Variants in EPB41L3 observed in about 807,000 individuals in gnomAD.
EPB41L3 encodes band 4.1-like protein 3.
Under a neutral mutation model 127.1 loss-of-function variants are expected in EPB41L3, and 57 were observed. That is an observed-to-expected ratio of 0.45 (90% CI 0.36 to 0.56). The LOEUF is 0.56. EPB41L3 is among the 20% of genes least tolerant of loss of function. The pLI is 0.00. For missense variants in EPB41L3, 1,273 were observed against 1,372.2 expected (o/e 0.93, Z 1.14); for synonymous variants, 572 against 549.5 (o/e 1.04, Z -0.57).
chr18:5,438,223 T>A, intron 5 of EPB41L3, 113 bp from the exon 6 acceptor site: 1 of 868,304 alleles, frequency 1.2e-6, no homozygotes, highest in Non-Finnish European at 1.7e-6. Context: ...TTTTGACCAT[T>A]AATGGAAAAC....
chr18:5,624,994 G>T (rs571146358), intron 1 of EPB41L3, among the ~76,000 whole-genome samples: 1 of 152,246 alleles, frequency 6.6e-6, no homozygotes, highest in East Asian at 1.9e-4. Context: ...TAGGGTGAGC[G>T]AAAGACAGAG....
At chr18:5,599,278 G>A (rs543169994) in intron 3 of EPB41L3, among the ~76,000 whole-genome samples, 7 of 152,294 alleles carry the variant, frequency 4.6e-5, no homozygotes, top group African/African-American at 9.6e-5. Flanking sequence ...TTGTAATGGC[G>A]ATGGGCCAAA....
At chr18:5,459,597 G>T (rs1316049392) in intron 3 of EPB41L3, among the ~76,000 whole-genome samples, 1 of 151,986 alleles carries the variant, frequency 6.6e-6, no homozygotes, top group Non-Finnish European at 1.5e-5. Context: ...AAAATTTCTG[G>T]TTATATAAAG....
intron 3 of EPB41L3, among the ~76,000 whole-genome samples, chr18:5,472,979 G>A (rs1056950855): frequency 4.6e-5 from 7 of 152,120 alleles, no homozygotes; most frequent in African/African-American, 1.2e-4. Flanking sequence ...CAAGATGACC[G>A]TTTCTGTACT....
At chr18:5,410,726 C>T in intron 13 of EPB41L3, 107 bp from the exon 14 acceptor site, 1 of 816,648 alleles carries the variant, frequency 1.2e-6, no homozygotes, top group Non-Finnish European at 2.0e-6. Flanking sequence ...TTTTCTTTCT[C>T]TGTGATTTCT....
chr18:5,435,278 A>G (rs1473657081), intron 6 of EPB41L3, among the ~76,000 whole-genome samples: 1 of 152,224 alleles, frequency 6.6e-6, no homozygotes, highest in Non-Finnish European at 1.5e-5. Flanking sequence ...TGGCCTAAGT[A>G]TACAGTGTTT....
intron 1 of EPB41L3, among the ~76,000 whole-genome samples, chr18:5,528,368 G>A (rs895267366): frequency 1.1e-4 from 16 of 151,788 alleles, no homozygotes; most frequent in Admixed American, 4.6e-4. Flanking sequence ...TAGAGGTGGG[G>A]TCTCACTATT....
At chr18:5,442,119 G>A (rs1397729390) in intron 5 of EPB41L3, among the ~76,000 whole-genome samples, 1 of 152,122 alleles carries the variant, frequency 6.6e-6, no homozygotes, top group Non-Finnish European at 1.5e-5. Flanking sequence ...AGATGAATAA[G>A]AGAACTTTAT....
At chr18:5,583,003 GC>G (rs1038051466) in intron 3 of EPB41L3, among the ~76,000 whole-genome samples, 6 of 152,184 alleles carry the variant, frequency 3.9e-5, no homozygotes, top group African/African-American at 1.4e-4. Context: ...GGATGAATCA[GC>G]CCTCATCACT....
At chr18:5,429,184 TATATAA>T (rs1322835552) in intron 8 of EPB41L3, 2 of 152,194 alleles carry the variant, frequency 1.3e-5, no homozygotes, top group African/African-American at 4.8e-5. Context: ...ATGGCTCACA[TATATAA>T]ATATAAATAC....
In EPB41L3 at chr18:5,449,205, AG is replaced by A. The variant is rs1264156056; in HGVS notation, c.382-3962del. Among the ~76,000 whole-genome samples the A allele has an allele frequency of 2.2e-3, 336 of 152,364 alleles. 3 individuals are homozygous for A. The highest frequency in any genetic ancestry group is 7.6e-3 in the African/African-American group (317 of 41,582). On this transcript the variant is annotated intron_variant, in intron 3 of 22. Coordinates refer to ENST00000341928, the MANE Select transcript of EPB41L3 (RefSeq NM_012307.5). ...AACTTACACCTTACCAAAGATATACAGATAGCAAATAAGCGTATGAAAAGAT... is the reference window on the plus strand; with the variant it reads ...AACTTACACCTTACCAAAGATATACAATAGCAAATAAGCGTATGAAAAGAT...
intron 3 of EPB41L3, among the ~76,000 whole-genome samples, chr18:5,459,035 C>T (rs1191342744): frequency 6.6e-6 from 1 of 152,134 alleles, no homozygotes; most frequent in Non-Finnish European, 1.5e-5. Context: ...CTTCCATGAA[C>T]CACATCCTTG....
At chr18:5,426,968 G>A (rs2078270523) in intron 9 of EPB41L3, among the ~76,000 whole-genome samples, 1 of 152,100 alleles carries the variant, frequency 6.6e-6, no homozygotes, top group African/African-American at 2.4e-5. Flanking sequence ...ATGATGTTAT[G>A]TTCATACTAA....
intron 3 of EPB41L3, among the ~76,000 whole-genome samples, chr18:5,607,043 A>G (rs2143935677): frequency 6.6e-6 from 1 of 152,278 alleles, no homozygotes; most frequent in African/African-American, 2.4e-5. Context: ...ACTGAAAAAT[A>G]ATTTTTAAAC....
At chr18:5,413,666 C>T (rs553697792) in intron 13 of EPB41L3, among the ~76,000 whole-genome samples, 1 of 152,200 alleles carries the variant, frequency 6.6e-6, no homozygotes, top group East Asian at 1.9e-4. Flanking sequence ...TCTAGCTCAG[C>T]CTGAACTAGA....
chr18:5,445,555 G>A lies in EPB41L3; in HGVS notation c.382-311C>T, dbSNP rs112886327. Among the ~76,000 whole-genome samples the A allele has an allele frequency of 6.7e-3, 1,017 of 152,314 alleles. 12 individuals are homozygous for A. Among genetic ancestry groups the A allele is most frequent in the African/African-American group, 0.023 (969 of 41,558 alleles). ...TGGAAGCAACTGGGGAAAATAATGT[G>A]ATGCTTGGAAGCCTAAATATGTGAA... On this transcript the variant is annotated intron_variant, in intron 3 of 22. Coordinates refer to ENST00000341928, the MANE Select transcript of EPB41L3 (RefSeq NM_012307.5).
At chr18:5,401,611 T>C (rs1050346714) in intron 16 of EPB41L3, among the ~76,000 whole-genome samples, 1 of 152,124 alleles carries the variant, frequency 6.6e-6, no homozygotes, top group Non-Finnish European at 1.5e-5. Context: ...GAAAAAATAC[T>C]CAATGGCTTT....
At chr18:5,572,084 G>C (rs1482905502) in intron 3 of EPB41L3, among the ~76,000 whole-genome samples, 6 of 152,146 alleles carry the variant, frequency 3.9e-5, no homozygotes, top group Non-Finnish European at 7.4e-5. Context: ...CTCACCAGTA[G>C]GCTTGGGAGT....
chr18:5,420,386 T>C (rs990746396), intron 11 of EPB41L3, among the ~76,000 whole-genome samples: 25 of 152,190 alleles, frequency 1.6e-4, no homozygotes, highest in Admixed American at 1.2e-3. Context: ...GGTTTTCATA[T>C]TATTATTATT....
Sources: allele counts gnomAD v4.1 joint callset (sites outside exome capture counted in the v4.1 genomes callset), GRCh38; gene constraint gnomAD v4.1.1; transcripts MANE v1.5; gene names NCBI Gene and HGNC (gene_info 2026-07-23, HGNC 2026-07-21).